The following SPATA6 variants were observed in gnomAD, a reference collection of about 807,000 sequenced individuals.
SPATA6 encodes the protein spermatogenesis-associated protein 6.
Under a neutral mutation model 65.3 loss-of-function variants are expected in SPATA6, and 56 were observed. The observed-to-expected ratio is 0.86, with a 90% CI of 0.69 to 1.07. SPATA6 has a LOEUF of 1.07. Ranked by LOEUF, SPATA6 falls within the 50% of genes least tolerant of loss-of-function variation. The pLI is 0.00. For synonymous variants in SPATA6, 199 were observed against 213.2 expected (o/e 0.93, Z 0.58); for missense variants, 590 against 594.8 (o/e 0.99, Z 0.08).
chr1:48,442,238 C>T (rs1409878005), intron 3 of SPATA6, among the ~76,000 whole-genome samples: 1 of 152,204 alleles, frequency 6.6e-6, no homozygotes, highest in Admixed American at 6.5e-5. Flanking sequence ...TGGCACTTCC[C>T]TAAGCCTTAG....
intron 3 of SPATA6, among the ~76,000 whole-genome samples, chr1:48,426,403 C>T (rs1570537841): frequency 6.6e-6 from 1 of 152,148 alleles, no homozygotes; most frequent in East Asian, 1.9e-4. Flanking sequence ...AACTGACCAC[C>T]CAGGGTTCCT....
Position 48,340,754 on chromosome 1 carries a change from C to A in SPATA6, c.1194+14916G>T, listed in dbSNP as rs190539023. Among the ~76,000 whole-genome samples, 220 of 152,006 alleles carry A rather than the reference C, an allele frequency of 1.4e-3. 1 individual carries two copies. The highest frequency in any genetic ancestry group is 5.2e-3 in the African/African-American group (215 of 41,488). ...AAAGAAAAGTTAAATAATATAAAACCTTCTTATATAAGAAACATACCTTAA... is the reference window on the plus strand; with the variant it reads ...AAAGAAAAGTTAAATAATATAAAACATTCTTATATAAGAAACATACCTTAA... On this transcript the variant is annotated intron_variant, in intron 11 of 12. Transcript: ENST00000371847.
intron 3 of SPATA6, among the ~76,000 whole-genome samples, chr1:48,446,906 A>G (rs567521827): frequency 1.3e-5 from 2 of 152,136 alleles, no homozygotes; most frequent in Non-Finnish European, 2.9e-5. Flanking sequence ...TGAACTGCAT[A>G]GGTCCATTTA....
intron 1 of SPATA6, among the ~76,000 whole-genome samples, chr1:48,459,746 T>G (rs1325359750): frequency 6.6e-6 from 1 of 152,018 alleles, no homozygotes. Context: ...AGGACATAAA[T>G]TTTTTTAAAA....
At chr1:48,384,350 C>CAGGGAGAGGGAGAGGGAG (rs769342177) in intron 9 of SPATA6, among the ~76,000 whole-genome samples, 2 of 21,474 alleles carry the variant, frequency 9.3e-5, no homozygotes, top group African/African-American at 2.6e-4. Flanking sequence ...GGGACAGGGA[C>CAGGGAGAGGGAGAGGGAG]AGGGAGAGGG....
chr1:48,273,569 CAT>C, the SPATA6 span, among the ~76,000 whole-genome samples: 1 of 152,138 alleles, frequency 6.6e-6, no homozygotes, highest in African/African-American at 2.4e-5. Flanking sequence ...TCAACTCCCA[CAT>C]ATGAGTGAGA....
chr1:48,403,694 C>T (rs1034062927), intron 6 of SPATA6, 108 bp downstream of exon 6: 9 of 808,048 alleles, frequency 1.1e-5, no homozygotes, highest in Non-Finnish European at 1.5e-5. Context: ...AAATTGACCC[C>T]CCAAAAAGTG....
chr1:48,449,216 G>A (rs1053359290), intron 3 of SPATA6, among the ~76,000 whole-genome samples: 3 of 152,062 alleles, frequency 2.0e-5, no homozygotes, highest in Non-Finnish European at 2.9e-5. Flanking sequence ...ATAGTAATGT[G>A]CAACCCCTAA....
rs145003803 is a variant in SPATA6, at chr1:48,414,658, C to T, written c.239-1507G>A. ...GTCACAATTTAGGGGCATAGGCTCA[C>T]CAAAAGACTGCAACCTGATCATAGG... On this transcript the variant is annotated intron_variant, in intron 3 of 12. Coordinates refer to ENST00000371847, the MANE Select transcript of SPATA6 (RefSeq NM_019073.4). Among the ~76,000 whole-genome samples, 1,473 of 152,282 alleles carry T rather than the reference C, an allele frequency of 9.7e-3. 9 individuals are homozygous for T. Among genetic ancestry groups the T allele is most frequent in the Non-Finnish European group, 0.014 (971 of 68,020 alleles).
At chr1:48,305,977 T>C (rs2148654609) in intron 11 of SPATA6, 99 bp from the exon 12 acceptor site, 1 of 819,420 alleles carries the variant, frequency 1.2e-6, no homozygotes, top group East Asian at 2.7e-5. Flanking sequence ...CCTTTATAAA[T>C]TTTAATTCAT....
chr1:48,371,883 C>G (rs1025492159), intron 9 of SPATA6, among the ~76,000 whole-genome samples: 2 of 151,970 alleles, frequency 1.3e-5, no homozygotes, highest in Admixed American at 1.3e-4. Context: ...GCAGAAACCC[C>G]TGATAAACCC....
At chr1:48,278,351 A>G in the SPATA6 span, among the ~76,000 whole-genome samples, 1 of 152,250 alleles carries the variant, frequency 6.6e-6, no homozygotes. Context: ...TGATGAGTTG[A>G]GAGAAGAAGG....
At chr1:48,444,829 C>T (rs576031863) in intron 3 of SPATA6, among the ~76,000 whole-genome samples, 7 of 152,296 alleles carry the variant, frequency 4.6e-5, no homozygotes, top group Middle Eastern at 3.4e-3. Flanking sequence ...AGACCAAGAA[C>T]CCACCAGAAG....
intron 11 of SPATA6, among the ~76,000 whole-genome samples, chr1:48,329,499 G>A (rs945676147): frequency 6.6e-6 from 1 of 152,062 alleles, no homozygotes; most frequent in Admixed American, 6.6e-5. Flanking sequence ...TAAAACATAG[G>A]GGGACAAATT....
chr1:48,391,223 A>T (rs61774377), intron 8 of SPATA6, among the ~76,000 whole-genome samples: 1 of 123,110 alleles, frequency 8.1e-6, no homozygotes, highest in Admixed American at 8.3e-5. Flanking sequence ...AAAAAAAAAA[A>T]TTAGTTGGGC....
intron 11 of SPATA6, among the ~76,000 whole-genome samples, chr1:48,331,965 G>A (rs1645928861): frequency 6.6e-6 from 1 of 152,130 alleles, no homozygotes; most frequent in Non-Finnish European, 1.5e-5. Context: ...TTCATATCCA[G>A]TCAAACTAAG....
chr1:48,378,716 TA>T (rs758104218), intron 9 of SPATA6, among the ~76,000 whole-genome samples: 105 of 152,324 alleles, frequency 6.9e-4, no homozygotes, highest in Non-Finnish European at 9.1e-4. Flanking sequence ...TCCCCCTGGG[TA>T]CCTCCCACAA....
At chr1:48,391,034 T>C (rs1488344213) in intron 8 of SPATA6, among the ~76,000 whole-genome samples, 2 of 152,014 alleles carry the variant, frequency 1.3e-5, no homozygotes, top group Non-Finnish European at 2.9e-5. Context: ...ACAAGTCTAA[T>C]ATATAGCATG....
chr1:48,265,434 T>A, the SPATA6 span, among the ~76,000 whole-genome samples: 1 of 151,476 alleles, frequency 6.6e-6, no homozygotes, highest in African/African-American at 2.4e-5. Context: ...TAGTCATGGA[T>A]AAACCAAAAG....
Sources: gnomAD v4.1 joint callset for allele counts (sites outside exome capture counted in the v4.1 genomes callset) on GRCh38, gnomAD v4.1.1 for gene constraint, MANE v1.5 for transcripts, NCBI Gene and HGNC (gene_info 2026-07-23, HGNC 2026-07-21) for gene names.